Variants in MAGI3 observed in about 807,000 individuals in gnomAD.
MAGI3 encodes membrane-associated guanylate kinase, WW and PDZ domain-containing protein 3.
MAGI3 carries 43 observed loss-of-function variants against 121.8 expected under a neutral mutation model. That is an observed-to-expected ratio of 0.35 (90% CI 0.28 to 0.46). The LOEUF (loss-of-function observed/expected upper bound fraction) is 0.46, where lower values mean the gene tolerates loss of function less well. Ranked by LOEUF, MAGI3 falls within the 20% of genes least tolerant of loss-of-function variation. MAGI3 has a pLI of 1.00. For synonymous variants in MAGI3, 553 were observed against 639.3 expected (o/e 0.86, Z 2.04); for missense variants, 1,547 against 1,797.3 (o/e 0.86, Z 2.52).
At chr1:113,430,781 G>A (rs1388910261) in intron 1 of MAGI3, among the ~76,000 whole-genome samples, 1 of 152,084 alleles carries the variant, frequency 6.6e-6, no homozygotes, top group Non-Finnish European at 1.5e-5. Context: ...TTTTCCTGTT[G>A]GAATAGACTA....
intron 1 of MAGI3, among the ~76,000 whole-genome samples, chr1:113,403,438 T>C (rs1651509442): frequency 6.6e-6 from 1 of 152,126 alleles, no homozygotes; most frequent in Non-Finnish European, 1.5e-5. Flanking sequence ...TCTAAAATAA[T>C]TAGAAAATGA....
chr1:113,547,588 T>C (rs551415402), intron 1 of MAGI3, among the ~76,000 whole-genome samples: 72 of 152,318 alleles, frequency 4.7e-4, no homozygotes, highest in South Asian at 6.2e-4. Context: ...TACAAAACAT[T>C]TGAGACATCT....
chr1:113,538,643 G>C (rs890636421), intron 1 of MAGI3, among the ~76,000 whole-genome samples: 3 of 152,112 alleles, frequency 2.0e-5, no homozygotes, highest in Admixed American at 2.0e-4. Context: ...ACTCTGTTCT[G>C]CTAGGAAGGT....
At chr1:113,398,613 A>C (rs1651241060) in intron 1 of MAGI3, among the ~76,000 whole-genome samples, 1 of 152,070 alleles carries the variant, frequency 6.6e-6, no homozygotes, top group African/African-American at 2.4e-5. Flanking sequence ...CTGATTGGGA[A>C]TTACACATGA....
In MAGI3 at chr1:113,391,108, C is replaced by T. The variant is rs748917122; in HGVS notation, c.75C>T (p.Pro25=). The T allele has an allele frequency of 1.9e-6, 3 of 1,582,180 alleles. No individual in the cohort carries two copies. Among genetic ancestry groups the T allele is most frequent in the Non-Finnish European group, 2.6e-6 (3 of 1,164,788 alleles). Residue 25 remains proline (P), a synonymous_variant, in exon 1 of 21, where the codon CCC becomes CCT. Transcript: ENST00000307546. The surrounding 1 kb of genome is among the most constrained non-coding windows in gnomAD (Gnocchi z 4.4). ...VQECAVSWAG[P]PGDFGAEIRG... The stretch of plus-strand genomic sequence containing the variant: ...AGTGCGCCGTGTCCTGGGCCGGGCC[C>T]CCGGGCGACTTCGGCGCGGAGATCC...
intron 1 of MAGI3, among the ~76,000 whole-genome samples, chr1:113,411,844 T>G (rs1038167568): frequency 6.6e-6 from 1 of 152,060 alleles, no homozygotes; most frequent in Non-Finnish European, 1.5e-5. Flanking sequence ...ACAATTTGTT[T>G]GTGAAAGAAT....
chr1:113,642,036 C>T lies in MAGI3; in HGVS notation c.1486C>T (p.Leu496Phe), dbSNP rs780553619. 3.1e-6 allele frequency: 5 copies of T among 1,614,210 alleles called. No homozygotes were observed. The highest frequency in any genetic ancestry group is 1.1e-5 in the South Asian group (1 of 91,088). Residue 496 changes from leucine to phenylalanine, a missense_variant, in exon 10 of 21, where the codon CTT becomes TTT. Physicochemically the swap from Leu to Phe is conservative, Grantham distance 22. Transcript: ENST00000307546. The stretch of plus-strand genomic sequence containing the variant: ...CCTCACTTTATGTCGTGGTTATCCA[C>T]TTCCTGATGACAGTGAAGATCCTGT... Reference protein sequence around the residue: ...VNLTLCRGYPLPDDSEDPVVD... With the variant: ...VNLTLCRGYPFPDDSEDPVVD...
chr1:113,622,540 G>C (rs1650891415), intron 8 of MAGI3, among the ~76,000 whole-genome samples: 1 of 151,938 alleles, frequency 6.6e-6, no homozygotes, highest in Non-Finnish European at 1.5e-5. Flanking sequence ...CATCTTCCTG[G>C]TATAGTACTT....
At chr1:113,416,332 A>ACC (rs1652388972) in intron 1 of MAGI3, among the ~76,000 whole-genome samples, 1 of 95,330 alleles carries the variant, frequency 1.0e-5, no homozygotes, top group Non-Finnish European at 2.4e-5. Flanking sequence ...TTAATTATAT[A>ACC]TCAATCATAT....
intron 16 of MAGI3, among the ~76,000 whole-genome samples, chr1:113,666,836 T>C (rs1464416136): frequency 1.3e-5 from 2 of 152,230 alleles, no homozygotes; most frequent in East Asian, 3.8e-4. Flanking sequence ...CCTTGATCCA[T>C]GGGCTACAGA....
chr1:113,602,373 TAAG>T (rs1472878561), intron 6 of MAGI3, among the ~76,000 whole-genome samples: 1 of 152,144 alleles, frequency 6.6e-6, no homozygotes, highest in East Asian at 1.9e-4. Context: ...ATTTTTGGGT[TAAG>T]AACAAAATCA....
intron 1 of MAGI3, among the ~76,000 whole-genome samples, chr1:113,538,082 G>T (rs186159290): frequency 4.1e-4 from 63 of 152,228 alleles, no homozygotes; most frequent in South Asian, 2.5e-3. Flanking sequence ...CTATTAAATT[G>T]TTCCTTTCAT....
Position 113,590,641 on chromosome 1 carries a change from G to A in MAGI3, c.921G>A (p.Gly307=), listed in dbSNP as rs1423123151. The A allele has an allele frequency of 6.2e-7, 1 of 1,613,356 alleles. No individual in the cohort carries two copies. Among genetic ancestry groups the A allele is most frequent in the African/African-American group, 1.3e-5 (1 of 74,890 alleles). ...KNWEMAYTDT[G]MIYFIDHNTK... ...GGGAAATGGCCTACACTGACACAGG[G>A]ATGATCTACTTCATTGAGTAAGCAA... Residue 307 remains glycine, a synonymous_variant, in exon 5 of 21, where the codon GGG becomes GGA. Transcript: ENST00000307546.
intron 4 of MAGI3, among the ~76,000 whole-genome samples, chr1:113,587,347 C>G (rs1648435942): frequency 6.6e-6 from 1 of 152,146 alleles, no homozygotes; most frequent in Admixed American, 6.5e-5. Flanking sequence ...AGGCATGTGC[C>G]ACCCTGCCCA....
At chr1:113,482,301 G>C (rs1656149432) in intron 1 of MAGI3, among the ~76,000 whole-genome samples, 1 of 151,850 alleles carries the variant, frequency 6.6e-6, no homozygotes, top group East Asian at 1.9e-4. Flanking sequence ...GTAGTCTTTT[G>C]ATAGTTGTCT....
At chr1:113,671,125 G>A (rs972919980) in intron 16 of MAGI3, among the ~76,000 whole-genome samples, 1 of 152,142 alleles carries the variant, frequency 6.6e-6, no homozygotes, top group African/African-American at 2.4e-5. Context: ...TGTTGGGAAT[G>A]ATACAAAACA....
chr1:113,412,534 G>A (rs2101339782), intron 1 of MAGI3, among the ~76,000 whole-genome samples: 1 of 152,228 alleles, frequency 6.6e-6, no homozygotes, highest in Non-Finnish European at 1.5e-5. Context: ...TCCAGCACCT[G>A]TTGTTTCCTG....
In MAGI3 at chr1:113,449,994, G is replaced by T. The variant is rs571050981; in HGVS notation, c.316+58645G>T. ...TAGAGAGGATTCTGTAAAGCCTGGT[G>T]CCCATCTAACAGTGAAGAAAATTTT... On this transcript the variant is annotated intron_variant, in intron 1 of 20. Transcript: ENST00000307546. 126 of 1,566,744 alleles carry T rather than the reference G, an allele frequency of 8.0e-5. No individual in the cohort carries two copies. The African/African-American group carries it at 1.5e-3, about 19-fold the overall frequency.
intron 1 of MAGI3, among the ~76,000 whole-genome samples, chr1:113,448,258 T>A (rs950563377): frequency 1.1e-4 from 16 of 152,336 alleles, no homozygotes; most frequent in African/African-American, 3.8e-4. Flanking sequence ...CTTCAAATAT[T>A]TCTTGAAGAT....
Sources: gnomAD v4.1 joint callset for allele counts (sites outside exome capture counted in the v4.1 genomes callset) on GRCh38, gnomAD v4.1.1 for gene constraint, Gnocchi (gnomAD v3.1) non-coding constraint, MANE v1.5 for transcripts, NCBI Gene and HGNC (gene_info 2026-07-23, HGNC 2026-07-21) for gene names.